BPTF: variants seen among roughly 807,000 people sequenced by gnomAD.
BPTF encodes the protein nucleosome-remodeling factor subunit BPTF.
Under a neutral mutation model 292.5 loss-of-function variants are expected in BPTF, and 18 were observed. The ratio of observed to expected loss-of-function variants is 0.06; its 90% CI spans 0.04 to 0.09. BPTF has a LOEUF of 0.09. Ranked by LOEUF, BPTF falls within the 10% of genes least tolerant of loss-of-function variation. The pLI, the probability that BPTF is intolerant of heterozygous loss-of-function variation, is 1.00. For synonymous variants in BPTF, 1,225 were observed against 1,251.9 expected (o/e 0.98, Z 0.45); for missense variants, 2,726 against 3,498.7 (o/e 0.78, Z 5.57).
rs559620846 is a variant in BPTF at position 67,894,157 on chromosome 17, A to T, written c.2535A>T (p.Gly845=). ...TACCAATATGGCGAGAATCTTTAGG[A>T]CATACCAGGTAAATGAATTCTGAGC... The part of the protein sequence containing the change: ...VMLPIWRESL[G]HTRLHRMTSI... Residue 845 remains glycine, a synonymous_variant, in exon 7 of 28, where the codon GGA becomes GGT. Coordinates refer to ENST00000306378, the MANE Select transcript of BPTF (RefSeq NM_182641.4). 388 of 1,613,968 alleles carry T rather than the reference A, an allele frequency of 2.4e-4. 2 individuals are homozygous for T. The South Asian group carries it at 4.0e-3, about 17-fold the overall frequency.
At chr17:67,976,701 A>T (rs1184823775) in intron 27 of BPTF, among the ~76,000 whole-genome samples, 5 of 135,948 alleles carry the variant, frequency 3.7e-5, no homozygotes, top group African/African-American at 5.3e-5. Flanking sequence ...AAAAAAAAAA[A>T]AAAAAAAAAA....
intron 1 of BPTF, among the ~76,000 whole-genome samples, chr17:67,851,263 G>A (rs936817604): frequency 6.8e-6 from 1 of 147,864 alleles, no homozygotes; most frequent in African/African-American, 2.6e-5. Flanking sequence ...TTGTTTTTGC[G>A]ATTTTCTGCT....
intron 1 of BPTF, among the ~76,000 whole-genome samples, chr17:67,852,582 C>T (rs1264497215): frequency 6.6e-6 from 1 of 152,042 alleles, no homozygotes; most frequent in Non-Finnish European, 1.5e-5. Context: ...GGAATTTTAC[C>T]ACTACTGAAT....
chr17:67,842,533 A>G (rs1042113274), intron 1 of BPTF, among the ~76,000 whole-genome samples: 1 of 152,214 alleles, frequency 6.6e-6, no homozygotes, highest in Admixed American at 6.5e-5. Context: ...GCTGTCCCAG[A>G]TAAACTCCAC....
At chr17:67,967,499 G>A (rs928453555) in intron 26 of BPTF, among the ~76,000 whole-genome samples, 2 of 151,858 alleles carry the variant, frequency 1.3e-5, no homozygotes, top group East Asian at 1.9e-4. Flanking sequence ...ATGTGCACAA[G>A]TATGTTCATT....
At chr17:67,902,573 C>G (rs2061918601) in intron 7 of BPTF, among the ~76,000 whole-genome samples, 2 of 152,088 alleles carry the variant, frequency 1.3e-5, no homozygotes, top group South Asian at 4.1e-4. Context: ...CTACGAAGAG[C>G]CTATGGAGAA....
At chr17:67,958,312 A>G (rs1343165399) in intron 23 of BPTF, among the ~76,000 whole-genome samples, 1 of 152,204 alleles carries the variant, frequency 6.6e-6, no homozygotes, top group Admixed American at 6.5e-5. Flanking sequence ...AGCCTGGGTG[A>G]CAGAGTGAGA....
At chr17:67,841,484 A>G (rs9911329) in intron 1 of BPTF, among the ~76,000 whole-genome samples, 15,318 of 152,172 alleles carry the variant, frequency 0.1, 2,630 homozygotes, top group African/African-American at 0.35. Context: ...GCAGTAATAT[A>G]ATACTTTTTT....
Position 67,918,850 on chromosome 17 carries a change from G to C in BPTF, c.5428+12G>C. On this transcript the variant is annotated intron_variant, in intron 12 of 27. Transcript: ENST00000306378. ...GACTACACGGACAGGTAAGGGGGAA[G>C]GGAGTTATTTTCTAATTTAAGTTTA... The C allele has an allele frequency of 6.2e-7, 1 of 1,611,402 alleles. No homozygotes were observed. Among genetic ancestry groups the C allele is most frequent in the Non-Finnish European group, 8.5e-7 (1 of 1,178,298 alleles).
Position 67,948,148 on chromosome 17 carries a change from G to A in BPTF, c.7768G>A (p.Ala2590Thr). ...DKIDKEEKQA[A>T]KKRKREESVE... Reference sequence around the variant, plus strand: ...GATAGATAAAGAAGAAAAACAGGCAGCAAAAAAACGGAAGCGTGAAGAGAG... The same window carrying A: ...GATAGATAAAGAAGAAAAACAGGCAACAAAAAAACGGAAGCGTGAAGAGAG... The change falls in exon 23 of 28, where the codon GCA becomes ACA. Residue 2590 changes from alanine (A) to threonine (T), a missense_variant. Physicochemically the swap from Ala to Thr is moderately conservative, Grantham distance 58. This residue lies in a region of BPTF where 26 missense variants were observed against 60.6 expected (regional missense o/e 0.43). Coordinates refer to ENST00000306378, the MANE Select transcript of BPTF (RefSeq NM_182641.4). The A allele has an allele frequency of 6.2e-7, 1 of 1,614,190 alleles. No individual in the cohort carries two copies. The highest frequency in any genetic ancestry group is 8.5e-7 in the Non-Finnish European group (1 of 1,180,030).
Position 67,973,499 on chromosome 17 carries a change from C to T in BPTF, c.8540-2273C>T, listed in dbSNP as rs540458854. 5.9e-5 allele frequency among the ~76,000 whole-genome samples: 9 copies of T among 151,820 alleles called. 1 individual carries two copies. The South Asian group carries it at 1.9e-3, about 32-fold the overall frequency. ...CAGATTTGTAGGCAGTTGCCCCAAA[C>T]CCTTTTTTTGTTTTTGTTTTTTGAG... is the stretch of plus-strand genomic sequence containing the variant. On this transcript the variant is annotated intron_variant, in intron 26 of 27. Transcript: ENST00000306378.
In BPTF at chr17:67,866,457, T is replaced by A. The variant is rs1228747379; in HGVS notation, c.1437-7T>A. On this transcript the variant is annotated splice_polypyrimidine_tract_variant and splice_region_variant and intron_variant, in intron 2 of 27. Transcript: ENST00000306378. ...CATATAAAGTATTTCCCCCCATTTT[T>A]AAACAGAGAAGAAGATACAGAAAAT... is the stretch of plus-strand genomic sequence containing the variant. 6.3e-7 allele frequency: 1 copy of A among 1,585,348 alleles called. No homozygotes were observed. The highest frequency in any genetic ancestry group is 1.7e-5 in the Admixed American group (1 of 59,812).
At chr17:67,963,344 G>C (rs1240740051) in intron 24 of BPTF, 3 of 1,533,192 alleles carry the variant, frequency 2.0e-6, no homozygotes, top group Non-Finnish European at 1.7e-6. Context: ...TTCTATATTG[G>C]CTGTGATCTT....
chr17:67,966,867 C>T (rs564421966), intron 26 of BPTF, among the ~76,000 whole-genome samples: 17 of 151,908 alleles, frequency 1.1e-4, no homozygotes, highest in South Asian at 2.1e-4. Context: ...TTTGGGAGGC[C>T]GAGACAGGCG....
intron 27 of BPTF, among the ~76,000 whole-genome samples, chr17:67,979,883 TAAA>T (rs1174722268): frequency 4.8e-4 from 70 of 146,892 alleles, no homozygotes; most frequent in Middle Eastern, 4.0e-3. Context: ...TACACTAAAA[TAAA>T]AAAATTAGCT....
At chr17:67,833,312 C>T (rs1598107749) in intron 1 of BPTF, among the ~76,000 whole-genome samples, 1 of 151,038 alleles carries the variant, frequency 6.6e-6, no homozygotes, top group East Asian at 2.0e-4. Context: ...CTCCTGGACT[C>T]AGGCAATCTT....
intron 1 of BPTF, among the ~76,000 whole-genome samples, chr17:67,852,573 G>A (rs2058474818): frequency 6.6e-6 from 1 of 151,906 alleles, no homozygotes; most frequent in African/African-American, 2.4e-5. Context: ...TAACACATAG[G>A]AATTTTACCA....
At chr17:67,850,534 A>T (rs1341891434) in intron 1 of BPTF, among the ~76,000 whole-genome samples, 1 of 151,876 alleles carries the variant, frequency 6.6e-6, no homozygotes, top group African/African-American at 2.4e-5. Flanking sequence ...ATGCCCAGCT[A>T]ATTTTTGTAT....
chr17:67,964,871 C>T (rs559480308), intron 25 of BPTF, among the ~76,000 whole-genome samples: 86 of 151,340 alleles, frequency 5.7e-4, no homozygotes, highest in Non-Finnish European at 1.0e-3. Context: ...TGGTGGCGGG[C>T]GCCTGTAGTC....
Sources: gnomAD v4.1 joint callset for allele counts (sites outside exome capture counted in the v4.1 genomes callset) on GRCh38, gnomAD v4.1.1 for gene constraint, gnomAD v4.1.1 regional missense constraint, MANE v1.5 for transcripts, NCBI Gene and HGNC (gene_info 2026-07-23, HGNC 2026-07-21) for gene names.